The following EPHB1 variants were observed in gnomAD, a reference collection of about 807,000 sequenced individuals.
The protein encoded by EPHB1 is ephrin type-B receptor 1.
In EPHB1, 30 loss-of-function variants were observed where a neutral mutation model predicts 94.4. The ratio of observed to expected loss-of-function variants is 0.32; its 90% CI spans 0.24 to 0.43. The LOEUF (loss-of-function observed/expected upper bound fraction) is 0.43, where lower values mean the gene tolerates loss of function less well. Ranked by LOEUF, EPHB1 falls within the 20% of genes least tolerant of loss-of-function variation. EPHB1 has a pLI of 1.00. For synonymous variants in EPHB1, 522 were observed against 489.1 expected, an observed-to-expected ratio of 1.07 and a Z score of -0.89; for missense variants, 1,055 against 1,308.3, an observed-to-expected ratio of 0.81 and a Z score of 2.99.
At chr3:134,861,418 G>A (rs1347942598) in intron 1 of EPHB1, among the ~76,000 whole-genome samples, 4 of 152,118 alleles carry the variant, frequency 2.6e-5, no homozygotes, top group Non-Finnish European at 5.9e-5. Flanking sequence ...GGGATGAGGA[G>A]GGAATGTGAA....
At chr3:134,842,669 AG>A (rs2036798120) in intron 1 of EPHB1, among the ~76,000 whole-genome samples, 1 of 152,214 alleles carries the variant, frequency 6.6e-6, no homozygotes, top group Non-Finnish European at 1.5e-5. Flanking sequence ...AAGTAAAGTA[AG>A]ACAACTTGCT....
intron 12 of EPHB1, among the ~76,000 whole-genome samples, chr3:135,208,335 G>GTGTT (rs1942955419): frequency 4.2e-5 from 6 of 142,258 alleles, no homozygotes; most frequent in Admixed American, 2.2e-4. Flanking sequence ...GTGTGTGTGT[G>GTGTT]TGTGTTGTGC....
intron 1 of EPHB1, among the ~76,000 whole-genome samples, chr3:134,917,355 T>C (rs1390650627): frequency 1.3e-5 from 2 of 152,224 alleles, no homozygotes; most frequent in Non-Finnish European, 2.9e-5. Context: ...GACCTTCCCA[T>C]GTCCCCATGC....
At chr3:135,207,068 A>C (rs1020490949) in intron 12 of EPHB1, among the ~76,000 whole-genome samples, 1 of 152,240 alleles carries the variant, frequency 6.6e-6, no homozygotes, top group Non-Finnish European at 1.5e-5. Context: ...TAACATTTCA[A>C]TGATCCTAAG....
At chr3:135,228,387 T>C (rs1297174295) in intron 12 of EPHB1, among the ~76,000 whole-genome samples, 1 of 152,198 alleles carries the variant, frequency 6.6e-6, no homozygotes, top group East Asian at 1.9e-4. Flanking sequence ...CACGTGATGT[T>C]TGCCTGTCCT....
chr3:135,027,257 T>C (rs1411124437), intron 3 of EPHB1, among the ~76,000 whole-genome samples: 2 of 151,994 alleles, frequency 1.3e-5, no homozygotes, highest in African/African-American at 2.4e-5. Context: ...CTATGTTGAA[T>C]AGGAGTGGTG....
At chr3:135,200,127 T>C (rs1576464251) in intron 11 of EPHB1, among the ~76,000 whole-genome samples, 1 of 152,212 alleles carries the variant, frequency 6.6e-6, no homozygotes, top group African/African-American at 2.4e-5. Flanking sequence ...AACATAATTC[T>C]CAGCCCTTTG....
intron 15 of EPHB1, among the ~76,000 whole-genome samples, chr3:135,257,841 A>T (rs1198845834): frequency 2.0e-5 from 3 of 151,726 alleles, no homozygotes; most frequent in African/African-American, 4.8e-5. Context: ...TTGATCTCAG[A>T]CTGCTGTGCT....
At chr3:135,041,507 G>A (rs939860984) in intron 3 of EPHB1, among the ~76,000 whole-genome samples, 1 of 152,298 alleles carries the variant, frequency 6.6e-6, no homozygotes, top group African/African-American at 2.4e-5. Context: ...GCCCTGAGCA[G>A]GTTCACCCCT....
intron 3 of EPHB1, among the ~76,000 whole-genome samples, chr3:135,060,943 C>G (rs1937483004): frequency 1.3e-5 from 2 of 151,976 alleles, no homozygotes; most frequent in Non-Finnish European, 2.9e-5. Context: ...TCCCAACACC[C>G]TCACTACCCC....
chr3:134,895,786 G>A (rs1486736294), intron 1 of EPHB1, among the ~76,000 whole-genome samples: 1 of 152,178 alleles, frequency 6.6e-6, no homozygotes, highest in East Asian at 1.9e-4. Flanking sequence ...AGCGAGCCAG[G>A]TTTATCTTCT....
At chr3:134,948,745 C>T (rs763883779) in intron 2 of EPHB1, among the ~76,000 whole-genome samples, 14 of 152,224 alleles carry the variant, frequency 9.2e-5, no homozygotes, top group Non-Finnish European at 1.6e-4. Context: ...ACTGTGGATG[C>T]GCCACTCCAG....
intron 1 of EPHB1, among the ~76,000 whole-genome samples, chr3:134,907,664 C>A (rs1374773512): frequency 6.6e-6 from 1 of 151,666 alleles, no homozygotes; most frequent in African/African-American, 2.4e-5. Context: ...CCCGCCCCCT[C>A]CCCACCAAGA....
chr3:135,013,055 A>G (rs1316100127), intron 3 of EPHB1, among the ~76,000 whole-genome samples: 1 of 152,208 alleles, frequency 6.6e-6, no homozygotes, highest in Non-Finnish European at 1.5e-5. Context: ...TGATGATTTC[A>G]GAACGAAAGC....
At chr3:134,981,123 T>C (rs1296471861) in intron 3 of EPHB1, among the ~76,000 whole-genome samples, 2 of 152,212 alleles carry the variant, frequency 1.3e-5, no homozygotes, top group Non-Finnish European at 2.9e-5. Flanking sequence ...CTATCTGCTT[T>C]ATTCTTGGTA....
chr3:135,171,812 T>C (rs1041473478), intron 9 of EPHB1, among the ~76,000 whole-genome samples: 13 of 152,234 alleles, frequency 8.5e-5, no homozygotes, highest in Non-Finnish European at 1.8e-4. Flanking sequence ...ATAAATTAAC[T>C]AGTTTCATCC....
chr3:135,028,530 C>G (rs1252524156), intron 3 of EPHB1, among the ~76,000 whole-genome samples: 1 of 144,102 alleles, frequency 6.9e-6, no homozygotes, highest in Admixed American at 7.1e-5. Flanking sequence ...TGTAGGTGAG[C>G]GGTTTTGAGT....
chr3:134,976,817 A>G (rs1559779644), intron 3 of EPHB1, among the ~76,000 whole-genome samples: 1 of 152,210 alleles, frequency 6.6e-6, no homozygotes, highest in Non-Finnish European at 1.5e-5. Flanking sequence ...CCATCCTAAT[A>G]GAAACAGCAG....
At chr3:135,120,469 A>C (rs1939904771) in intron 4 of EPHB1, among the ~76,000 whole-genome samples, 1 of 152,186 alleles carries the variant, frequency 6.6e-6, no homozygotes, top group Non-Finnish European at 1.5e-5. Context: ...GTGGACATCT[A>C]ACAGAGGCTG....
Sources: gnomAD v4.1 joint callset for allele counts (sites outside exome capture counted in the v4.1 genomes callset) on GRCh38, gnomAD v4.1.1 for gene constraint, MANE v1.5 for transcripts, NCBI Gene and HGNC (gene_info 2026-07-23, HGNC 2026-07-21) for gene names.